The following THSD4 variants were observed in gnomAD, a reference collection of about 807,000 sequenced individuals.
THSD4 encodes the protein thrombospondin type-1 domain-containing protein 4.
A neutral mutation model predicts 119.0 loss-of-function variants in THSD4; 69 were observed. That is an observed-to-expected ratio of 0.58 (90% CI 0.48 to 0.71). THSD4 has a LOEUF of 0.71. THSD4 is among the 30% of genes least tolerant of loss of function. The pLI, the probability that THSD4 is intolerant of heterozygous loss-of-function variation, is 0.00. For synonymous variants in THSD4, 524 were observed against 540.4 expected (o/e 0.97, Z 0.42); for missense variants, 1,393 against 1,391.1 (o/e 1.00, Z -0.02).
chr15:71,649,871 C>T (rs1377085325), intron 7 of THSD4, among the ~76,000 whole-genome samples: 1 of 152,128 alleles, frequency 6.6e-6, no homozygotes, highest in Non-Finnish European at 1.5e-5. Context: ...TCTTTCAGTT[C>T]TGTGATAGTT....
intron 7 of THSD4, among the ~76,000 whole-genome samples, chr15:71,641,898 G>A (rs1387147877): frequency 6.6e-6 from 1 of 152,144 alleles, no homozygotes; most frequent in African/African-American, 2.4e-5. Flanking sequence ...TAGAAACCGA[G>A]GGTTCTCCTT....
At chr15:71,143,870 C>T (rs1026316201) in intron 2 of THSD4, among the ~76,000 whole-genome samples, 9 of 151,950 alleles carry the variant, frequency 5.9e-5, no homozygotes, top group African/African-American at 2.2e-4. Context: ...ATTAATGCCC[C>T]TGCAAACAGT....
intron 7 of THSD4, among the ~76,000 whole-genome samples, chr15:71,412,649 C>A (rs1370385923): frequency 6.6e-6 from 1 of 152,114 alleles, no homozygotes; most frequent in East Asian, 1.9e-4. Flanking sequence ...GCTATGACAC[C>A]TGGAAGTTCC....
At chr15:71,718,655 C>A (rs1435924540) in intron 8 of THSD4, among the ~76,000 whole-genome samples, 1 of 152,168 alleles carries the variant, frequency 6.6e-6, no homozygotes, top group Non-Finnish European at 1.5e-5. Flanking sequence ...TCTCCAGGGG[C>A]TCCCATCTAT....
chr15:71,232,915 T>G (rs1485548175), intron 4 of THSD4, among the ~76,000 whole-genome samples: 3 of 152,166 alleles, frequency 2.0e-5, no homozygotes, highest in African/African-American at 7.2e-5. Context: ...GATTCCTTAC[T>G]TGGGTACCTG....
chr15:71,749,189 G>A (rs2053398064), intron 14 of THSD4, among the ~76,000 whole-genome samples: 1 of 152,250 alleles, frequency 6.6e-6, no homozygotes, highest in Non-Finnish European at 1.5e-5. Context: ...TGCACCTAAT[G>A]CCCTGGAGGT....
At chr15:71,315,399 G>T (rs188224573) in intron 6 of THSD4, among the ~76,000 whole-genome samples, 1 of 152,150 alleles carries the variant, frequency 6.6e-6, no homozygotes, top group Non-Finnish European at 1.5e-5. Context: ...CTCTCTCTAG[G>T]CTGTGGGAAA....
chr15:71,205,272 A>G lies in THSD4; in HGVS notation c.100-9763A>G, dbSNP rs143915254. ...CACGTGTTCAGGGTATACACTCAAT[A>G]ACATATACTTGGAGAAGTATGGTGC... On this transcript the variant is annotated intron_variant, in intron 3 of 17. Coordinates refer to ENST00000261862, the MANE Select transcript of THSD4 (RefSeq NM_024817.3). 4.5e-4 allele frequency among the ~76,000 whole-genome samples: 69 copies of G among 152,328 alleles called. 1 individual carries two copies. The highest frequency in any genetic ancestry group is 6.0e-4 in the Non-Finnish European group (41 of 68,026).
In THSD4 at chr15:71,318,491, G is replaced by A. The variant is rs763386583; in HGVS notation, c.1015+61776G>A. Among the ~76,000 whole-genome samples, 3 of 152,258 alleles carry A rather than the reference G, an allele frequency of 2.0e-5. No individual in the cohort carries two copies. The East Asian group carries it at 5.8e-4, about 29-fold the overall frequency. ...TTGTCTTTTACTCATTAAGTTCCTA[G>A]CCCAGCATAAAGGCTCCTGGAATAA... On this transcript the variant is annotated intron_variant, in intron 6 of 17. Transcript: ENST00000261862.
At chr15:71,673,029 C>T (rs62024314) in intron 8 of THSD4, among the ~76,000 whole-genome samples, 1 of 152,180 alleles carries the variant, frequency 6.6e-6, no homozygotes, top group African/African-American at 2.4e-5. Context: ...TATTCCCTCT[C>T]TTTCTATTGA....
At chr15:71,172,473 T>C (rs1277338882) in intron 3 of THSD4, among the ~76,000 whole-genome samples, 1 of 151,530 alleles carries the variant, frequency 6.6e-6, no homozygotes, top group Non-Finnish European at 1.5e-5. Flanking sequence ...ACTTTTAATA[T>C]AAATTGACAA....
chr15:71,276,808 A>G (rs776823965), intron 6 of THSD4, among the ~76,000 whole-genome samples: 6 of 152,266 alleles, frequency 3.9e-5, no homozygotes, highest in Non-Finnish European at 8.8e-5. Context: ...ATGTATTCAC[A>G]TTTAAAATGT....
chr15:71,389,816 T>TTTTTTTG (rs1371747311), intron 6 of THSD4, among the ~76,000 whole-genome samples: 2 of 128,578 alleles, frequency 1.6e-5, no homozygotes, highest in Non-Finnish European at 3.4e-5. Flanking sequence ...GGTTGTTTTT[T>TTTTTTTG]TTTTTTTTTT....
chr15:71,199,782 G>GT (rs1179380096), intron 3 of THSD4, among the ~76,000 whole-genome samples: 4 of 143,314 alleles, frequency 2.8e-5, no homozygotes, highest in South Asian at 2.3e-4. Context: ...TGTGGTGTGT[G>GT]GGTGTGTGCT....
chr15:71,606,040 G>A lies in THSD4; in HGVS notation c.1153-54490G>A, dbSNP rs575211655. On this transcript the variant is annotated intron_variant, in intron 7 of 17. Coordinates refer to ENST00000261862, the MANE Select transcript of THSD4 (RefSeq NM_024817.3). The stretch of plus-strand genomic sequence containing the variant: ...GGGCCAAGTGTTCTGTTAGGTCAGG[G>A]AAAATAAGGACTCATCATTGGCCAT... Among the ~76,000 whole-genome samples the A allele has an allele frequency of 3.3e-5, 5 of 152,326 alleles. No homozygotes were observed. The South Asian group carries it at 1.0e-3, about 32-fold the overall frequency.
At chr15:71,145,509 G>A (rs1596223389) in intron 2 of THSD4, among the ~76,000 whole-genome samples, 1 of 152,248 alleles carries the variant, frequency 6.6e-6, no homozygotes, top group East Asian at 1.9e-4. Flanking sequence ...CTTCAGTAAA[G>A]TATTATTACT....
intron 7 of THSD4, among the ~76,000 whole-genome samples, chr15:71,648,335 A>T (rs1405971001): frequency 6.6e-6 from 1 of 152,092 alleles, no homozygotes; most frequent in East Asian, 1.9e-4. Context: ...GAATGCCCTG[A>T]TTGCATCTGT....
At chr15:71,537,014 T>C (rs1251820516) in intron 7 of THSD4, among the ~76,000 whole-genome samples, 1 of 152,228 alleles carries the variant, frequency 6.6e-6, no homozygotes, top group Non-Finnish European at 1.5e-5. Flanking sequence ...GGATATACCA[T>C]AGTGTATCTA....
chr15:71,440,699 A>G (rs1244586999), intron 7 of THSD4, among the ~76,000 whole-genome samples: 1 of 152,174 alleles, frequency 6.6e-6, no homozygotes, highest in Non-Finnish European at 1.5e-5. Context: ...AAAATTACAT[A>G]TCTTTCTCAA....
Sources: allele counts gnomAD v4.1 joint callset (sites outside exome capture counted in the v4.1 genomes callset), GRCh38; gene constraint gnomAD v4.1.1; transcripts MANE v1.5; gene names NCBI Gene and HGNC (gene_info 2026-07-23, HGNC 2026-07-21).